The following POTEC variants were observed in gnomAD, a reference collection of about 807,000 sequenced individuals.
POTEC encodes the protein POTE ankyrin domain family member C.
A neutral mutation model predicts 62.0 loss-of-function variants in POTEC; 35 were observed. The ratio of observed to expected loss-of-function variants is 0.56; its 90% CI spans 0.43 to 0.75. The LOEUF is 0.75. Among genes scored for constraint, POTEC ranks in the 30% least tolerant of loss-of-function variants. The pLI is 0.00. For missense variants in POTEC, 472 were observed against 655.9 expected (o/e 0.72, Z 3.06); for synonymous variants, 156 against 221.5 (o/e 0.70, Z 2.62).
intron 6 of POTEC, among the ~76,000 whole-genome samples, chr18:14,526,669 GGAGT>G (rs1449227600): frequency 2.0e-5 from 3 of 152,038 alleles, no homozygotes; most frequent in Non-Finnish European, 4.4e-5. Context: ...AATAGAAGGA[GGAGT>G]GAGTAGGGCA....
chr18:14,528,892 C>T (rs1315754063), intron 6 of POTEC: 2 of 450,706 alleles, frequency 4.4e-6, no homozygotes, highest in Non-Finnish European at 8.9e-6. Context: ...CAAAAGTGAA[C>T]TGCTCAGAAA....
At chr18:14,512,608 G>A (rs951818628) in intron 10 of POTEC, among the ~76,000 whole-genome samples, 1 of 152,152 alleles carries the variant, frequency 6.6e-6, no homozygotes, top group African/African-American at 2.4e-5. Flanking sequence ...AAAAGGAGAG[G>A]TCAAAAAATA....
chr18:14,530,746 G>A (rs1165817370), intron 5 of POTEC, among the ~76,000 whole-genome samples, 193 bp from the exon 6 acceptor site: 1 of 152,152 alleles, frequency 6.6e-6, no homozygotes, highest in African/African-American at 2.4e-5. Context: ...AAAAAATTAG[G>A]TGAAATGCTC....
chr18:14,530,175 G>T (rs1441246676), intron 6 of POTEC, among the ~76,000 whole-genome samples: 2 of 151,812 alleles, frequency 1.3e-5, no homozygotes, highest in Admixed American at 1.3e-4. Context: ...TGCTTCATAT[G>T]AGAATCTAAT....
At chr18:14,515,451 C>G (rs996464447) in intron 9 of POTEC, among the ~76,000 whole-genome samples, 2 of 151,984 alleles carry the variant, frequency 1.3e-5, no homozygotes, top group African/African-American at 4.8e-5. Context: ...GGAGAAAGTA[C>G]ACGTTATTCA....
chr18:14,537,683 A>G (rs1456090066), intron 3 of POTEC, 118 bp downstream of exon 3: 1 of 1,166,948 alleles, frequency 8.6e-7, no homozygotes, highest in African/African-American at 1.6e-5. Flanking sequence ...AGTCATTTCA[A>G]AATATTTTCA....
intron 3 of POTEC, 115 bp downstream of exon 3, chr18:14,537,686 T>C (rs1905789141): frequency 4.3e-6 from 5 of 1,174,090 alleles, no homozygotes; most frequent in Non-Finnish European, 5.9e-6. Context: ...CATTTCAAAA[T>C]ATTTTCATTC....
At chr18:14,526,529 C>T (rs182349067) in intron 6 of POTEC, among the ~76,000 whole-genome samples, 1 of 152,010 alleles carries the variant, frequency 6.6e-6, no homozygotes, top group African/African-American at 2.4e-5. Context: ...TCTAGAACAC[C>T]TGCCCAAGCA....
chr18:14,527,662 T>C (rs1910471839), intron 6 of POTEC, among the ~76,000 whole-genome samples: 1 of 152,128 alleles, frequency 6.6e-6, no homozygotes, highest in African/African-American at 2.4e-5. Context: ...CTGCTTTATA[T>C]TACCACTGCC....
chr18:14,511,372 C>G lies in POTEC; in HGVS notation c.*526G>C, dbSNP rs1156425178. On this transcript the variant is annotated 3_prime_UTR_variant, in exon 11 of 11. Transcript: ENST00000358970. ...CCTGGTGGGTTTGTACTCTCCAAAG[C>G]CCGCACGCTGGAATCGCTAAGTTGC... is the stretch of plus-strand genomic sequence containing the variant. 3.0e-5 allele frequency: 9 copies of G among 297,728 alleles called. No homozygotes were observed. The highest frequency in any genetic ancestry group is 5.0e-5 in the Admixed American group (1 of 19,802). 18.4% of individuals were successfully genotyped at this position (297,728 alleles called of 1,614,324 possible). A position where few individuals can be genotyped will look rare whatever the true frequency, so the allele number is the denominator to read the frequency against.
In POTEC at chr18:14,542,904, G is replaced by C; in HGVS notation, c.243C>G (p.Gly81=). ...AGGAGTTGTCATGGTCTCCAGAAGTGCCCACGTTGCTCGTGCCGCTCCCCC... is the reference window on the plus strand; with the variant it reads ...AGGAGTTGTCATGGTCTCCAGAAGTCCCCACGTTGCTCGTGCCGCTCCCCC... ...CCRGSGTSNV[G]TSGDHDNSFM... is the part of the protein sequence containing the mutation. The change falls in exon 1 of 11, where the codon GGC becomes GGG. Residue 81 remains glycine, a synonymous_variant. Coordinates refer to ENST00000358970, the MANE Select transcript of POTEC (RefSeq NM_001137671.2). The C allele has an allele frequency of 7.8e-7, 1 of 1,279,962 alleles. No individual in the cohort carries two copies. Among genetic ancestry groups the C allele is most frequent in the Non-Finnish European group, 1.1e-6 (1 of 929,500 alleles). 79.3% of individuals were successfully genotyped at this position (1,279,962 alleles called of 1,614,324 possible).
chr18:14,524,174 T>C (rs1910380103), intron 7 of POTEC, among the ~76,000 whole-genome samples: 1 of 152,192 alleles, frequency 6.6e-6, no homozygotes, highest in African/African-American at 2.4e-5. Context: ...TTTTTAATAA[T>C]CTGTACTGAT....
intron 1 of POTEC, among the ~76,000 whole-genome samples, 176 bp downstream of exon 1, chr18:14,542,450 T>G (rs1905969159): frequency 6.6e-6 from 1 of 152,110 alleles, no homozygotes; most frequent in African/African-American, 2.4e-5. Flanking sequence ...AGCTAACATT[T>G]TTTGTGTTGC....
rs1909917022 is a variant in POTEC at position 14,508,885 on chromosome 18, T to A, written c.*3013A>T. 6.6e-6 allele frequency: 1 copy of A among 152,392 alleles called. No homozygotes were observed. Among genetic ancestry groups the A allele is most frequent in the Admixed American group, 6.5e-5 (1 of 15,306 alleles). The allele number at this position is 152,392 out of a possible 1,614,324, so 9.4% of individuals were successfully genotyped here. ...ATCCATCTTCAATCTTTGAGGTTGC[T>A]GACCTTTGGACAGGGTATTTTTCCT... is the stretch of plus-strand genomic sequence containing the variant. On this transcript the variant is annotated 3_prime_UTR_variant, in exon 11 of 11. Coordinates refer to ENST00000358970, the MANE Select transcript of POTEC (RefSeq NM_001137671.2).
At chr18:14,537,196 CACACACACACACACAA>C (rs1905751440) in intron 3 of POTEC, among the ~76,000 whole-genome samples, 1 of 83,696 alleles carries the variant, frequency 1.2e-5, no homozygotes, top group African/African-American at 7.6e-5. Flanking sequence ...CACACACACA[CACACACACACACACAA>C]AAAAAAAAAA....
intron 9 of POTEC, among the ~76,000 whole-genome samples, chr18:14,519,507 AG>A (rs1910253500): frequency 6.6e-6 from 1 of 152,142 alleles, no homozygotes. Flanking sequence ...ACCTGAGGTC[AG>A]GAGTTTGAAA....
chr18:14,527,060 A>G (rs1910455252), intron 6 of POTEC, among the ~76,000 whole-genome samples: 1 of 152,148 alleles, frequency 6.6e-6, no homozygotes, highest in Admixed American at 6.5e-5. Flanking sequence ...TATAGTGTAT[A>G]TGAATATAAC....
At chr18:14,542,208 G>C (rs1598483009) in intron 1 of POTEC, among the ~76,000 whole-genome samples, 1 of 152,104 alleles carries the variant, frequency 6.6e-6, no homozygotes, top group East Asian at 1.9e-4. Flanking sequence ...ATTTACATAG[G>C]GCACATCGAT....
At chr18:14,515,223 C>T (rs1363810210) in intron 9 of POTEC, among the ~76,000 whole-genome samples, 1 of 152,152 alleles carries the variant, frequency 6.6e-6, no homozygotes, top group Non-Finnish European at 1.5e-5. Flanking sequence ...TGTAGAACCA[C>T]AAAAGAGCCT....
Sources: allele counts gnomAD v4.1 joint callset (sites outside exome capture counted in the v4.1 genomes callset), GRCh38; gene constraint gnomAD v4.1.1; transcripts MANE v1.5; gene names NCBI Gene and HGNC (gene_info 2026-07-23, HGNC 2026-07-21).